GPATCH2: variants seen among roughly 807,000 people sequenced by gnomAD.
GPATCH2 encodes G patch domain-containing protein 2.
GPATCH2 carries 51 observed loss-of-function variants against 58.0 expected under a neutral mutation model. The ratio of observed to expected loss-of-function variants is 0.88; its 90% CI spans 0.70 to 1.11. The LOEUF (loss-of-function observed/expected upper bound fraction) is 1.11. Among genes scored for constraint, GPATCH2 ranks in the 50% most tolerant of loss-of-function variants. The probability of loss-of-function intolerance (pLI) is 0.00; values close to 1 mark genes in which losing one functional copy is unlikely to be tolerated. For missense variants in GPATCH2, 625 were observed against 652.2 expected, an observed-to-expected ratio of 0.96 and a Z score of 0.45; for synonymous variants, 222 against 218.5, an observed-to-expected ratio of 1.02 and a Z score of -0.14.
intron 8 of GPATCH2, among the ~76,000 whole-genome samples, chr1:217,465,051 G>C (rs796923452): frequency 9.9e-5 from 15 of 151,932 alleles, no homozygotes; most frequent in African/African-American, 3.6e-4. Flanking sequence ...ATAGAAGGAA[G>C]ATTTAAAAGA....
intron 5 of GPATCH2, among the ~76,000 whole-genome samples, chr1:217,540,788 T>A (rs1439485280): frequency 1.3e-5 from 2 of 152,208 alleles, no homozygotes; most frequent in African/African-American, 2.4e-5. Flanking sequence ...GCCCTAGGAC[T>A]ACGTAGCTAA....
At chr1:217,622,257 G>T (rs1369403668) in intron 1 of GPATCH2, among the ~76,000 whole-genome samples, 1 of 152,136 alleles carries the variant, frequency 6.6e-6, no homozygotes, top group Non-Finnish European at 1.5e-5. Context: ...AAGGGACAGG[G>T]TGGCATAGCT....
At chr1:217,493,051 G>A (rs899145954) in intron 7 of GPATCH2, among the ~76,000 whole-genome samples, 2 of 152,090 alleles carry the variant, frequency 1.3e-5, no homozygotes, top group Admixed American at 1.3e-4. Flanking sequence ...AACTAAATAA[G>A]TATTCTTAAA....
intron 1 of GPATCH2, among the ~76,000 whole-genome samples, chr1:217,626,779 C>T (rs1333986682): frequency 6.6e-6 from 1 of 151,488 alleles, no homozygotes; most frequent in South Asian, 2.1e-4. Flanking sequence ...TTATCAATAA[C>T]CCTAACACTA....
intron 8 of GPATCH2, among the ~76,000 whole-genome samples, chr1:217,462,852 G>A (rs1396694695): frequency 6.6e-6 from 1 of 152,176 alleles, no homozygotes; most frequent in Non-Finnish European, 1.5e-5. Context: ...AAGAGACAAA[G>A]TTCAATTCCT....
At chr1:217,490,388 G>C (rs1661660851) in intron 8 of GPATCH2, among the ~76,000 whole-genome samples, 2 of 152,050 alleles carry the variant, frequency 1.3e-5, no homozygotes, top group African/African-American at 4.8e-5. Flanking sequence ...TTTTGTATCT[G>C]TATCTATGGA....
At chr1:217,471,989 A>C (rs970567662) in intron 8 of GPATCH2, among the ~76,000 whole-genome samples, 17 of 152,232 alleles carry the variant, frequency 1.1e-4, no homozygotes, top group Non-Finnish European at 2.1e-4. Flanking sequence ...ACTTGATTTC[A>C]AACTACATGT....
rs1404959790 is a variant in GPATCH2 at position 217,614,147 on chromosome 1, T to G, written c.829A>C (p.Arg277=). ...DAGLFTNDEG[R]QGDDEQSDWF... is the part of the protein sequence containing the mutation. ...AAAAATATCATTTCAGTACCTTGTCTTCCCTCATCATTGGTAAACAATCCA... is the reference window on the plus strand; with the variant it reads ...AAAAATATCATTTCAGTACCTTGTCGTCCCTCATCATTGGTAAACAATCCA... The change falls in exon 3 of 10, where the codon AGA becomes CGA. Residue 277 remains arginine (R), a synonymous_variant. Coordinates refer to ENST00000366935, the MANE Select transcript of GPATCH2 (RefSeq NM_018040.5). 2 of 1,543,002 alleles carry G rather than the reference T, an allele frequency of 1.3e-6. No individual in the cohort carries two copies. Among genetic ancestry groups the G allele is most frequent in the African/African-American group, 1.4e-5 (1 of 73,730 alleles).
intron 5 of GPATCH2, among the ~76,000 whole-genome samples, chr1:217,521,794 T>TA (rs942074817): frequency 4.5e-4 from 67 of 149,976 alleles, no homozygotes; most frequent in East Asian, 7.8e-4. Flanking sequence ...AGGTTTTGTT[T>TA]AAAAAAAAAA....
chr1:217,588,007 A>G (rs2102760108), intron 5 of GPATCH2, among the ~76,000 whole-genome samples: 1 of 152,298 alleles, frequency 6.6e-6, no homozygotes, highest in South Asian at 2.1e-4. Context: ...TTTCCTTTAC[A>G]GCAAGAATAA....
At chr1:217,532,189 G>A (rs1372088349) in intron 5 of GPATCH2, among the ~76,000 whole-genome samples, 1 of 152,160 alleles carries the variant, frequency 6.6e-6, no homozygotes, top group Admixed American at 6.5e-5. Flanking sequence ...AACCCAGTAT[G>A]TACTCAGTAA....
chr1:217,508,666 T>C (rs1662685570), intron 6 of GPATCH2, among the ~76,000 whole-genome samples: 1 of 152,178 alleles, frequency 6.6e-6, no homozygotes, highest in African/African-American at 2.4e-5. Flanking sequence ...TGTAGTCATA[T>C]ATTAATTTTA....
At chr1:217,544,175 A>C (rs554489806) in intron 5 of GPATCH2, among the ~76,000 whole-genome samples, 12 of 152,268 alleles carry the variant, frequency 7.9e-5, no homozygotes, top group African/African-American at 2.9e-4. Flanking sequence ...CAGGCGGATC[A>C]CTCGAGGTCA....
At chr1:217,558,858 C>T (rs1665775211) in intron 5 of GPATCH2, among the ~76,000 whole-genome samples, 1 of 151,996 alleles carries the variant, frequency 6.6e-6, no homozygotes, top group Admixed American at 6.6e-5. Flanking sequence ...AAGGCAAAAG[C>T]CTAGAAGTCA....
chr1:217,516,187 T>C (rs1426458492), intron 5 of GPATCH2, among the ~76,000 whole-genome samples: 1 of 150,842 alleles, frequency 6.6e-6, no homozygotes, highest in Non-Finnish European at 1.5e-5. Context: ...TGACAAGGCA[T>C]ACATTTACAG....
At chr1:217,472,056 A>G (rs529756733) in intron 8 of GPATCH2, among the ~76,000 whole-genome samples, 1 of 152,312 alleles carries the variant, frequency 6.6e-6, no homozygotes, top group South Asian at 2.1e-4. Flanking sequence ...CAAAAATCAT[A>G]TAAGAAAACA....
chr1:217,455,969 T>C (rs911529814), intron 8 of GPATCH2, among the ~76,000 whole-genome samples: 3 of 151,814 alleles, frequency 2.0e-5, no homozygotes, highest in African/African-American at 7.3e-5. Context: ...AGAGAGGAAT[T>C]TGGCTGCTGG....
intron 8 of GPATCH2, among the ~76,000 whole-genome samples, chr1:217,470,436 C>A (rs550664647): frequency 8.5e-5 from 13 of 152,240 alleles, no homozygotes; most frequent in South Asian, 2.1e-4. Context: ...TTATTTACCA[C>A]CCACTGGGCA....
At chr1:217,568,565 G>A (rs1433203320) in intron 5 of GPATCH2, among the ~76,000 whole-genome samples, 1 of 152,166 alleles carries the variant, frequency 6.6e-6, no homozygotes, top group African/African-American at 2.4e-5. Flanking sequence ...AACAGGTGAG[G>A]AAGAGAGCCA....
Sources: gnomAD v4.1 joint callset for allele counts (sites outside exome capture counted in the v4.1 genomes callset) on GRCh38, gnomAD v4.1.1 for gene constraint, MANE v1.5 for transcripts, NCBI Gene and HGNC (gene_info 2026-07-23, HGNC 2026-07-21) for gene names.